Variants in RNF38 observed in about 807,000 individuals in gnomAD.
The protein encoded by RNF38 is E3 ubiquitin-protein ligase RNF38.
In RNF38, 15 loss-of-function variants were observed where a neutral mutation model predicts 67.2. The ratio of observed to expected loss-of-function variants is 0.22; its 90% CI spans 0.15 to 0.34. The LOEUF (loss-of-function observed/expected upper bound fraction) is 0.34. Ranked by LOEUF, RNF38 falls within the 10% of genes least tolerant of loss-of-function variation. The pLI is 1.00. For synonymous variants in RNF38, 220 were observed against 218.8 expected (o/e 1.01, Z -0.05); for missense variants, 524 against 639.9 (o/e 0.82, Z 1.95).
At chr9:36,367,381 C>G (rs1168470130) in intron 4 of RNF38, among the ~76,000 whole-genome samples, 1 of 152,060 alleles carries the variant, frequency 6.6e-6, no homozygotes, top group African/African-American at 2.4e-5. Flanking sequence ...ACTTTAAGAC[C>G]TTCTAATAAG....
intron 2 of RNF38, among the ~76,000 whole-genome samples, chr9:36,422,882 A>C (rs1006395242): frequency 2.0e-5 from 3 of 152,226 alleles, no homozygotes; most frequent in African/African-American, 7.2e-5. Flanking sequence ...GGGTGACAGG[A>C]AGTACCTGGC....
intron 2 of RNF38, among the ~76,000 whole-genome samples, chr9:36,384,800 A>G (rs1488857059): frequency 1.3e-5 from 2 of 152,214 alleles, no homozygotes; most frequent in African/African-American, 4.8e-5. Context: ...AATTCAAGCA[A>G]TTTTCTTATT....
chr9:36,475,799 C>T (rs1840107514), intron 1 of RNF38, among the ~76,000 whole-genome samples: 1 of 150,960 alleles, frequency 6.6e-6, no homozygotes, highest in Admixed American at 6.6e-5. Flanking sequence ...AGGCGGATCA[C>T]ACGGTCAGGA....
intron 1 of RNF38, among the ~76,000 whole-genome samples, chr9:36,459,990 GA>G (rs1292899871): frequency 3.3e-5 from 5 of 151,852 alleles, no homozygotes; most frequent in African/African-American, 1.2e-4. Context: ...TAATGCAAAC[GA>G]ATGTTTTTCT....
At chr9:36,467,582 G>A (rs1045348959) in intron 1 of RNF38, among the ~76,000 whole-genome samples, 9 of 152,092 alleles carry the variant, frequency 5.9e-5, no homozygotes, top group African/African-American at 2.2e-4. Context: ...AACTGGGTGG[G>A]TCAGGCCATT....
chr9:36,361,060 G>A (rs1355987551), intron 4 of RNF38, among the ~76,000 whole-genome samples: 2 of 151,922 alleles, frequency 1.3e-5, no homozygotes, highest in East Asian at 1.9e-4. Context: ...CATGTGATCT[G>A]CCCACTTCAG....
chr9:36,430,242 T>G (rs1054033636), intron 1 of RNF38, among the ~76,000 whole-genome samples: 1 of 152,140 alleles, frequency 6.6e-6, no homozygotes, highest in African/African-American at 2.4e-5. Context: ...GTTTCGCTCT[T>G]GTTGCCCAGG....
intron 9 of RNF38, among the ~76,000 whole-genome samples, chr9:36,349,033 C>T (rs934357961): frequency 4.6e-5 from 7 of 151,342 alleles, no homozygotes; most frequent in Non-Finnish European, 7.4e-5. Flanking sequence ...TTCTGTGGGC[C>T]CTTAAGAAAT....
chr9:36,386,788 G>A (rs1359039449), intron 2 of RNF38, among the ~76,000 whole-genome samples: 4 of 152,250 alleles, frequency 2.6e-5, no homozygotes, highest in Non-Finnish European at 5.9e-5. Context: ...GCAATGTCAG[G>A]AAGTTACCCA....
intron 1 of RNF38, among the ~76,000 whole-genome samples, chr9:36,391,240 G>C (rs1214089101): frequency 6.6e-6 from 1 of 152,106 alleles, no homozygotes; most frequent in Non-Finnish European, 1.5e-5. Context: ...CAATGCAGTG[G>C]TCACACCTGT....
intron 4 of RNF38, among the ~76,000 whole-genome samples, chr9:36,361,222 G>C (rs1834510487): frequency 6.6e-6 from 1 of 151,560 alleles, no homozygotes; most frequent in African/African-American, 2.4e-5. Flanking sequence ...CGTGATCTCG[G>C]CTCACTGCAA....
intron 1 of RNF38, among the ~76,000 whole-genome samples, chr9:36,458,678 G>T (rs955166147): frequency 1.3e-5 from 2 of 151,730 alleles, no homozygotes; most frequent in Admixed American, 6.6e-5. Context: ...TGAACATCTG[G>T]AGGAACAAAC....
At chr9:36,396,415 T>A (rs772040733) in intron 1 of RNF38, among the ~76,000 whole-genome samples, 3 of 152,194 alleles carry the variant, frequency 2.0e-5, no homozygotes, top group Non-Finnish European at 4.4e-5. Context: ...GCTAGGATTT[T>A]TTTTTTTCCC....
rs1384362129 is a variant in RNF38 at position 36,482,553 on chromosome 9, AT to A, written n.241+4754del. 2.0e-5 allele frequency among the ~76,000 whole-genome samples: 3 copies of A among 150,822 alleles called. No homozygotes were observed. In the East Asian group the frequency reaches 5.9e-4, roughly 29 times the overall value. On this transcript the variant is annotated intron_variant and non_coding_transcript_variant, in intron 1 of 3. Coordinates refer to the RNF38 transcript ENST00000488058. ...TTGTTAGTAGAGACGGGGTTTCACC[AT>A]GTTGGCCAGGCTGGTCTTGAACTCC...
intron 1 of RNF38, among the ~76,000 whole-genome samples, chr9:36,436,660 A>G (rs1839072129): frequency 6.6e-6 from 1 of 150,944 alleles, no homozygotes; most frequent in South Asian, 2.1e-4. Context: ...CTTCTCTACT[A>G]AAAATACAAA....
chr9:36,427,697 AT>A (rs1484090140), intron 1 of RNF38, among the ~76,000 whole-genome samples: 106 of 148,148 alleles, frequency 7.2e-4, no homozygotes, highest in African/African-American at 1.2e-3. Flanking sequence ...CTATCTATCT[AT>A]CTATCTACCT....
At chr9:36,387,099 G>C (rs1836702311) in intron 2 of RNF38, among the ~76,000 whole-genome samples, 1 of 152,160 alleles carries the variant, frequency 6.6e-6, no homozygotes, top group African/African-American at 2.4e-5. Context: ...CACCGTGTGG[G>C]AGCCCCTACC....
At chr9:36,375,483 C>T (rs182484401) in intron 3 of RNF38, among the ~76,000 whole-genome samples, 2 of 152,298 alleles carry the variant, frequency 1.3e-5, no homozygotes, top group African/African-American at 4.8e-5. Context: ...TGAGCTACTA[C>T]TGTGCCAAGT....
At chr9:36,486,050 A>T (rs964487539) in intron 1 of RNF38, among the ~76,000 whole-genome samples, 1 of 152,134 alleles carries the variant, frequency 6.6e-6, no homozygotes, top group Admixed American at 6.6e-5. Context: ...TCTTTGAAAC[A>T]TCCCAATCTT....
Sources: allele counts gnomAD v4.1 joint callset (sites outside exome capture counted in the v4.1 genomes callset), GRCh38; gene constraint gnomAD v4.1.1; transcripts MANE v1.5; gene names NCBI Gene and HGNC (gene_info 2026-07-23, HGNC 2026-07-21).